Variants in CRYBG1 observed in about 807,000 individuals in gnomAD.
CRYBG1 encodes crystallin beta-gamma domain containing 1.
A neutral mutation model predicts 189.2 loss-of-function variants in CRYBG1; 139 were observed. The observed-to-expected ratio is 0.73, with a 90% confidence interval of 0.64 to 0.85. CRYBG1 has a LOEUF of 0.85. Among genes scored for constraint, CRYBG1 ranks in the 40% least tolerant of loss-of-function variants. The probability of loss-of-function intolerance (pLI) is 0.00; values close to 1 mark genes in which losing one functional copy is unlikely to be tolerated. For missense variants in CRYBG1, 2,611 were observed against 2,675.8 expected (o/e 0.98, Z 0.53); for synonymous variants, 1,023 against 1,017.1 (o/e 1.01, Z -0.11).
chr6:106,499,807 C>T (rs1205935096), intron 2 of CRYBG1, among the ~76,000 whole-genome samples: 1 of 152,076 alleles, frequency 6.6e-6, no homozygotes, highest in Non-Finnish European at 1.5e-5. Context: ...ATCCTTTGAC[C>T]AACATCTCTC....
intron 1 of CRYBG1, among the ~76,000 whole-genome samples, chr6:106,410,097 TG>T (rs1219985804): frequency 1.3e-5 from 2 of 152,088 alleles, no homozygotes; most frequent in Non-Finnish European, 2.9e-5. Context: ...ACCTACAGAA[TG>T]GGAGAAAATT....
intron 21 of CRYBG1, among the ~76,000 whole-genome samples, chr6:106,565,556 G>A (rs1444886168): frequency 6.6e-6 from 1 of 152,092 alleles, no homozygotes; most frequent in Non-Finnish European, 1.5e-5. Flanking sequence ...ATGCTCAGAA[G>A]CAAACAATGC....
At chr6:106,522,316 G>A (rs1443230595) in intron 4 of CRYBG1, among the ~76,000 whole-genome samples, 1 of 151,962 alleles carries the variant, frequency 6.6e-6, no homozygotes, top group East Asian at 1.9e-4. Context: ...ACAGTATTTT[G>A]TCTTTATTGG....
At chr6:106,500,986 T>C (rs1772997990) in intron 2 of CRYBG1, among the ~76,000 whole-genome samples, 1 of 152,206 alleles carries the variant, frequency 6.6e-6, no homozygotes, top group Admixed American at 6.5e-5. Flanking sequence ...TGACTCTTGA[T>C]TGTTGATAGG....
chr6:106,455,565 C>A (rs979143779), intron 2 of CRYBG1, among the ~76,000 whole-genome samples: 9 of 151,158 alleles, frequency 6.0e-5, no homozygotes, highest in African/African-American at 2.2e-4. Flanking sequence ...AGAGTACTTG[C>A]CTTAATGAGA....
At position 106,571,925 on chromosome 6, in the gene CRYBG1, C is replaced by A; in HGVS notation, c.*3359C>A. 1.0e-6 allele frequency: 1 copy of A among 992,374 alleles called. No individual in the cohort carries two copies. Among genetic ancestry groups the A allele is most frequent in the South Asian group, 1.4e-5 (1 of 73,716 alleles). The allele number at this position is 992,374 out of a possible 1,614,324, so 61.5% of individuals were successfully genotyped here. A position where few individuals can be genotyped will look rare whatever the true frequency, so the allele number is the denominator to read the frequency against. On this transcript the variant is annotated 3_prime_UTR_variant, in exon 22 of 22. Coordinates refer to ENST00000633556, the MANE Select transcript of CRYBG1 (RefSeq NM_001371242.2). ...CTGGAAAAATGTTTGAAAGGGATGG[C>A]TAGAAAAAAATTTGGGCTCACAGGC...
chr6:106,467,847 C>T (rs4946756), intron 2 of CRYBG1, among the ~76,000 whole-genome samples: 12,840 of 152,140 alleles, frequency 0.084, 707 homozygotes, highest in East Asian at 0.22. Flanking sequence ...GGAATATTGA[C>T]ATATTATGAT....
chr6:106,423,997 G>A (rs879747236), intron 1 of CRYBG1, among the ~76,000 whole-genome samples: 13 of 151,902 alleles, frequency 8.6e-5, no homozygotes, highest in South Asian at 2.1e-4. Context: ...GAGCCACTGC[G>A]CCCAGCCTCT....
At chr6:106,492,753 C>T (rs1772754020) in intron 2 of CRYBG1, among the ~76,000 whole-genome samples, 1 of 152,138 alleles carries the variant, frequency 6.6e-6, no homozygotes, top group South Asian at 2.1e-4. Flanking sequence ...CATATCCATC[C>T]TTCTTCCTTC....
intron 1 of CRYBG1, among the ~76,000 whole-genome samples, chr6:106,396,401 A>G (rs1770608484): frequency 6.6e-6 from 1 of 152,166 alleles, no homozygotes; most frequent in Admixed American, 6.5e-5. Context: ...CAGTATTATC[A>G]TCTATATGTA....
Position 106,552,582 on chromosome 6 carries a change from CAAAAAAAAAAAAAAAA to C in CRYBG1, c.5472+382_5472+397del, listed in dbSNP as rs58470981. Among the ~76,000 whole-genome samples the C allele has an allele frequency of 9.5e-4, 64 of 67,646 alleles. 1 individual carries two copies. The highest frequency in any genetic ancestry group is 3.0e-3 in the African/African-American group (57 of 18,734). 44.4% of individuals were successfully genotyped at this position (67,646 alleles called of 152,430 possible). ...AGCCTGAGTGACAGAGACTCTGTCT[CAAAAAAAAAAAAAAAA>C]AAAAAAAAAAAAAAATCAGACATTT... On this transcript the variant is annotated intron_variant, in intron 15 of 21. Coordinates refer to ENST00000633556, the MANE Select transcript of CRYBG1 (RefSeq NM_001371242.2).
rs374531349 is a variant in CRYBG1, at chr6:106,520,559, C to G, written c.3351C>G (p.Ser1117Arg). ...KFTEIIKQMD[S>R]AVCMPMKRKK... ...CTGAAATTATAAAACAGATGGATAG[C>G]GCAGTTTGTATGCCCATGAAAAGAA... Residue 1117 changes from serine to arginine, a missense_variant, in exon 4 of 22, where the codon AGC (serine) becomes AGG (arginine). By Grantham distance (110) the Ser-to-Arg change is moderately radical. Around this residue, in one of 3 missense-constraint regions of CRYBG1, gnomAD observed 1,622 missense variants for 1,735.0 expected, o/e 0.93. Coordinates refer to ENST00000633556, the MANE Select transcript of CRYBG1 (RefSeq NM_001371242.2). 6.2e-7 allele frequency: 1 copy of G among 1,613,956 alleles called. No individual in the cohort carries two copies. Among genetic ancestry groups the G allele is most frequent in the African/African-American group, 1.3e-5 (1 of 74,892 alleles).
At position 106,568,555 on chromosome 6, in the gene CRYBG1, C is replaced by T; in HGVS notation, c.6385C>T (p.Leu2129=). Reference sequence around the variant, plus strand: ...TACACAAGTGTGGGAAGCCATGGTCCTATATACCTGAACAAAGAAGGAAGA... The same window carrying T: ...TACACAAGTGTGGGAAGCCATGGTCTTATATACCTGAACAAAGAAGGAAGA... ...KFTQVWEAMV[L]YT Residue 2129 remains leucine (L), a synonymous_variant, in exon 22 of 22, where the codon CTA becomes TTA. Transcript: ENST00000633556. 15 of 1,609,088 alleles carry T rather than the reference C, an allele frequency of 9.3e-6. No homozygotes were observed. Among genetic ancestry groups the T allele is most frequent in the Non-Finnish European group, 1.3e-5 (15 of 1,175,506 alleles).
intron 1 of CRYBG1, among the ~76,000 whole-genome samples, chr6:106,393,537 C>A (rs369004732): frequency 6.6e-6 from 1 of 152,206 alleles, no homozygotes; most frequent in African/African-American, 2.4e-5. Context: ...TTGGATGGTG[C>A]ACAGTCCATA....
At chr6:106,383,314 G>C (rs949566249) in intron 1 of CRYBG1, among the ~76,000 whole-genome samples, 24 of 152,310 alleles carry the variant, frequency 1.6e-4, no homozygotes, top group African/African-American at 5.3e-4. Flanking sequence ...TGAGAACCAA[G>C]GATCTAGCCC....
intron 1 of CRYBG1, among the ~76,000 whole-genome samples, chr6:106,378,883 C>A (rs1770228468): frequency 6.6e-6 from 1 of 152,136 alleles, no homozygotes; most frequent in Non-Finnish European, 1.5e-5. Context: ...GGTGTGGTGG[C>A]TCATGCCTAT....
At chr6:106,542,352 G>A (rs1221936144) in intron 10 of CRYBG1, among the ~76,000 whole-genome samples, 4 of 147,858 alleles carry the variant, frequency 2.7e-5, no homozygotes, top group Admixed American at 1.4e-4. Context: ...GCACCATCAC[G>A]GCTCACTGAA....
At chr6:106,517,431 C>T (rs952603040) in intron 3 of CRYBG1, among the ~76,000 whole-genome samples, 2 of 85,268 alleles carry the variant, frequency 2.3e-5, no homozygotes, top group East Asian at 2.7e-4. Context: ...CATATATATA[C>T]ACACACACAT....
At position 106,521,513 on chromosome 6, in the gene CRYBG1, T is replaced by C. The variant is rs1326645432; in HGVS notation, c.4245+60T>C. 6 of 1,467,846 alleles carry C rather than the reference T, an allele frequency of 4.1e-6. No individual in the cohort carries two copies. The Admixed American group carries it at 1.4e-4, about 34-fold the overall frequency. The allele number at this position is 1,467,846 out of a possible 1,614,324, so 90.9% of individuals were successfully genotyped here. A position where few individuals can be genotyped will look rare whatever the true frequency, so the allele number is the denominator to read the frequency against. On this transcript the variant is annotated intron_variant, in intron 4 of 21. Coordinates refer to ENST00000633556, the MANE Select transcript of CRYBG1 (RefSeq NM_001371242.2). Reference sequence around the variant, plus strand: ...TTTTTAAAGCAAGGGAAGAGAAGGATGATGAGCAACTCATGTTATTCTTTT... The same window carrying C: ...TTTTTAAAGCAAGGGAAGAGAAGGACGATGAGCAACTCATGTTATTCTTTT...
Sources: gnomAD v4.1 joint callset for allele counts (sites outside exome capture counted in the v4.1 genomes callset) on GRCh38, gnomAD v4.1.1 for gene constraint, gnomAD v4.1.1 regional missense constraint, MANE v1.5 for transcripts, NCBI Gene and HGNC (gene_info 2026-07-23, HGNC 2026-07-21) for gene names.